SORCS2: variants seen among roughly 807,000 people sequenced by gnomAD.
SORCS2 encodes VPS10 domain-containing receptor SorCS2.
In SORCS2, 100 loss-of-function variants were observed where a neutral mutation model predicts 141.6. The ratio of observed to expected loss-of-function variants is 0.71; its 90% CI spans 0.60 to 0.83. The LOEUF is 0.83. Ranked by LOEUF, SORCS2 falls within the 40% of genes least tolerant of loss-of-function variation. The pLI is 0.00. For missense variants in SORCS2, 1,646 were observed against 1,560.2 expected (o/e 1.05, Z -0.93); for synonymous variants, 789 against 676.9 (o/e 1.17, Z -2.57).
intron 2 of SORCS2, among the ~76,000 whole-genome samples, chr4:7,506,154 G>A (rs921477266): frequency 2.0e-5 from 3 of 152,170 alleles, no homozygotes; most frequent in Non-Finnish European, 4.4e-5. Context: ...TCTGCTGACA[G>A]CCACAGCGTC....
intron 2 of SORCS2, among the ~76,000 whole-genome samples, chr4:7,485,304 G>A (rs887475806): frequency 7.2e-5 from 11 of 152,232 alleles, no homozygotes; most frequent in Admixed American, 6.5e-4. Flanking sequence ...CCAGGAGCAT[G>A]CTGCTTAGGG....
Position 7,611,123 on chromosome 4 carries a change from G to T in SORCS2, c.649-27205G>T, listed in dbSNP as rs16840646. Among the ~76,000 whole-genome samples, 444 of 152,290 alleles carry T rather than the reference G, an allele frequency of 2.9e-3. 4 individuals are homozygous for T. The highest frequency in any genetic ancestry group is 0.01 in the African/African-American group (420 of 41,556). On this transcript the variant is annotated intron_variant, in intron 3 of 26. Coordinates refer to ENST00000507866, the MANE Select transcript of SORCS2 (RefSeq NM_020777.3). ...TACATGGGCGCCCACTGCAGCTACT[G>T]AGGCTGTGAAAAGCAAAAGCCCACA...
At chr4:7,628,832 C>G (rs1719689866) in intron 3 of SORCS2, among the ~76,000 whole-genome samples, 1 of 152,178 alleles carries the variant, frequency 6.6e-6, no homozygotes, top group Admixed American at 6.5e-5. Context: ...TGCCACTGAA[C>G]TGTACACTCG....
intron 23 of SORCS2, among the ~76,000 whole-genome samples, chr4:7,730,239 A>G (rs1259576503): frequency 6.6e-6 from 1 of 152,222 alleles, no homozygotes; most frequent in Non-Finnish European, 1.5e-5. Context: ...CTTCACACCC[A>G]CTAGGGTGGC....
intron 2 of SORCS2, among the ~76,000 whole-genome samples, chr4:7,447,680 T>C (rs986237386): frequency 1.3e-5 from 2 of 152,094 alleles, no homozygotes; most frequent in Admixed American, 1.3e-4. Flanking sequence ...TCCTCCAGGC[T>C]CAGCAGCCAT....
At chr4:7,425,097 C>T (rs374377348) in intron 2 of SORCS2, among the ~76,000 whole-genome samples, 3 of 152,222 alleles carry the variant, frequency 2.0e-5, no homozygotes, top group African/African-American at 7.2e-5. Context: ...GGGTGCCTCC[C>T]CTGTCCTGCT....
intron 1 of SORCS2, among the ~76,000 whole-genome samples, chr4:7,337,496 C>T (rs201468203): frequency 5.3e-4 from 81 of 152,182 alleles, no homozygotes; most frequent in East Asian, 1.7e-3. Flanking sequence ...TAGCAGGGAG[C>T]GCAGGTGCAC....
At chr4:7,550,130 GTA>G (rs1236161936) in intron 3 of SORCS2, among the ~76,000 whole-genome samples, 23 of 61,916 alleles carry the variant, frequency 3.7e-4, no homozygotes, top group African/African-American at 8.9e-4. Flanking sequence ...GTGTATGTGT[GTA>G]TGTGTGTGTG....
chr4:7,291,792 T>A (rs1716619491), intron 1 of SORCS2, among the ~76,000 whole-genome samples: 1 of 152,240 alleles, frequency 6.6e-6, no homozygotes, highest in African/African-American at 2.4e-5. Flanking sequence ...AATTCATCTT[T>A]ATGGACACGG....
At chr4:7,570,500 C>T (rs1055637751) in intron 3 of SORCS2, among the ~76,000 whole-genome samples, 16 of 152,248 alleles carry the variant, frequency 1.1e-4, no homozygotes, top group African/African-American at 3.4e-4. Flanking sequence ...GTGTGTGTCC[C>T]CATCTGCATG....
At position 7,667,154 on chromosome 4, in the gene SORCS2, G is replaced by A. The variant is rs77455588; in HGVS notation, c.1102G>A (p.Val368Ile). The A allele has an allele frequency of 2.1e-4, 337 of 1,613,668 alleles. No individual in the cohort carries two copies. Among genetic ancestry groups the A allele is most frequent in the Non-Finnish European group, 2.5e-4 (298 of 1,179,658 alleles). Residue 368 changes from valine to isoleucine, a missense_variant, in exon 8 of 27, where the codon GTC becomes ATC. Val to Ile is a conservative substitution (Grantham distance 29, BLOSUM62 3). Coordinates refer to ENST00000507866, the MANE Select transcript of SORCS2 (RefSeq NM_020777.3). ...ATSANQTKYY[V>I]SYRRNEFVLM... ...ATCAGCAAACCAGACAAAATACTAC[G>A]TCTCTTATCGTCGAAATGAATTTGT...
chr4:7,443,429 G>A (rs948621780), intron 2 of SORCS2, among the ~76,000 whole-genome samples: 1 of 152,166 alleles, frequency 6.6e-6, no homozygotes, highest in Non-Finnish European at 1.5e-5. Flanking sequence ...GCACAGCCGC[G>A]AATGGAGCCT....
chr4:7,638,125 G>A (rs1027296032), intron 3 of SORCS2, among the ~76,000 whole-genome samples: 4 of 152,356 alleles, frequency 2.6e-5, no homozygotes, highest in East Asian at 1.9e-4. Flanking sequence ...TGAGCTGGCC[G>A]GGCTGGGGGC....
chr4:7,471,926 C>T (rs924037330), intron 2 of SORCS2, among the ~76,000 whole-genome samples: 4 of 152,256 alleles, frequency 2.6e-5, no homozygotes, highest in Admixed American at 1.3e-4. Flanking sequence ...CCCAGCTGCC[C>T]TTCTAAGCCC....
intron 2 of SORCS2, among the ~76,000 whole-genome samples, chr4:7,526,584 T>C (rs1380666964): frequency 2.0e-5 from 3 of 152,174 alleles, no homozygotes; most frequent in Non-Finnish European, 4.4e-5. Context: ...GATACCACAG[T>C]TGGGGGGGCC....
chr4:7,272,612 G>A (rs375562459), intron 1 of SORCS2, among the ~76,000 whole-genome samples: 1 of 152,232 alleles, frequency 6.6e-6, no homozygotes, highest in Non-Finnish European at 1.5e-5. Context: ...GAGACCTTCC[G>A]GTTCATTCTG....
chr4:7,652,648 C>T (rs1366329627), intron 4 of SORCS2, among the ~76,000 whole-genome samples: 1 of 152,152 alleles, frequency 6.6e-6, no homozygotes, highest in Non-Finnish European at 1.5e-5. Context: ...GTCCAGCTGC[C>T]TGCACAGGCC....
At chr4:7,501,964 G>A (rs1408462768) in intron 2 of SORCS2, among the ~76,000 whole-genome samples, 1 of 152,184 alleles carries the variant, frequency 6.6e-6, no homozygotes, top group Non-Finnish European at 1.5e-5. Flanking sequence ...GCAGACTTGT[G>A]GGCGCACTCC....
At chr4:7,572,019 TTG>T (rs1400407413) in intron 3 of SORCS2, among the ~76,000 whole-genome samples, 2 of 152,180 alleles carry the variant, frequency 1.3e-5, no homozygotes, top group African/African-American at 4.8e-5. Context: ...AGTCTGTGCT[TTG>T]CCCCTACGTA....
Sources: allele counts gnomAD v4.1 joint callset (sites outside exome capture counted in the v4.1 genomes callset), GRCh38; gene constraint gnomAD v4.1.1; transcripts MANE v1.5; gene names NCBI Gene and HGNC (gene_info 2026-07-23, HGNC 2026-07-21).